The following CADM2 variants were observed in gnomAD, a reference collection of about 807,000 sequenced individuals.
The protein encoded by CADM2 is immunoglobulin superfamily member 4D.
CADM2 carries 12 observed loss-of-function variants against 49.8 expected under a neutral mutation model. That is an observed-to-expected ratio of 0.24 (90% CI 0.15 to 0.39). The LOEUF (loss-of-function observed/expected upper bound fraction) is 0.39. Ranked by LOEUF, CADM2 falls within the 10% of genes least tolerant of loss-of-function variation. CADM2 has a pLI of 1.00. For synonymous variants in CADM2, 214 were observed against 175.4 expected, an observed-to-expected ratio of 1.22 and a Z score of -1.74; for missense variants, 378 against 492.3, an observed-to-expected ratio of 0.77 and a Z score of 2.20.
intron 1 of CADM2, among the ~76,000 whole-genome samples, chr3:85,530,317 T>C (rs1475048981): frequency 1.5e-5 from 2 of 131,304 alleles, no homozygotes; most frequent in Non-Finnish European, 3.1e-5. Flanking sequence ...AGACTTCTTT[T>C]CTCCGTTTTT....
chr3:85,383,015 A>G (rs1318974918), intron 1 of CADM2, among the ~76,000 whole-genome samples: 1 of 152,124 alleles, frequency 6.6e-6, no homozygotes, highest in African/African-American at 2.4e-5. Context: ...ACTTAGGAGT[A>G]CACTACTGTA....
At position 85,982,254 on chromosome 3, in the gene CADM2, TG is replaced by T. The variant is rs1727567038; in HGVS notation, c.970+20608del. On this transcript the variant is annotated intron_variant, in intron 8 of 9. Transcript: ENST00000383699. ...TTTTTCAGGTTTCTTAACATGTTTT[TG>T]TAAACTTTACACCATGGATGCTTAA... Among the ~76,000 whole-genome samples the T allele has an allele frequency of 2.6e-5, 4 of 151,800 alleles. No individual in the cohort carries two copies. In the South Asian group the frequency reaches 8.3e-4, roughly 31 times the overall value.
intron 1 of CADM2, among the ~76,000 whole-genome samples, chr3:85,516,687 T>C (rs1445355444): frequency 1.3e-5 from 2 of 151,936 alleles, no homozygotes; most frequent in Non-Finnish European, 2.9e-5. Context: ...AACGTCACAA[T>C]CCAATTATAG....
intron 1 of CADM2, among the ~76,000 whole-genome samples, chr3:85,683,530 T>C (rs2066101004): frequency 6.6e-6 from 1 of 152,198 alleles, no homozygotes; most frequent in Non-Finnish European, 1.5e-5. Context: ...AAAATCTTGA[T>C]TTTCACAATT....
At chr3:85,189,528 T>C (rs547311525) in intron 1 of CADM2, among the ~76,000 whole-genome samples, 29 of 152,348 alleles carry the variant, frequency 1.9e-4, no homozygotes, top group African/African-American at 7.0e-4. Context: ...ATTTAGGTTC[T>C]GAAACAAATG....
At chr3:85,095,175 A>T (rs1351163410) in intron 1 of CADM2, among the ~76,000 whole-genome samples, 3 of 152,234 alleles carry the variant, frequency 2.0e-5, no homozygotes, top group Non-Finnish European at 4.4e-5. Context: ...GAAAGACTGG[A>T]GAGATGGAAT....
intron 1 of CADM2, among the ~76,000 whole-genome samples, chr3:85,349,071 C>G (rs1176677463): frequency 6.6e-6 from 1 of 151,946 alleles, no homozygotes; most frequent in East Asian, 1.9e-4. Flanking sequence ...CTGTATGGCC[C>G]CTGTTCTGAA....
chr3:85,950,092 CAAT>C (rs1723263783), intron 7 of CADM2, among the ~76,000 whole-genome samples: 1 of 150,920 alleles, frequency 6.6e-6, no homozygotes, highest in Non-Finnish European at 1.5e-5. Flanking sequence ...TTTTAATAGT[CAAT>C]AATTTTCAAA....
chr3:85,685,867 G>A (rs1253870494), intron 1 of CADM2, among the ~76,000 whole-genome samples: 6 of 151,420 alleles, frequency 4.0e-5, no homozygotes, highest in African/African-American at 7.3e-5. Flanking sequence ...CTCGTGATCC[G>A]CCCACCTCGG....
At chr3:85,362,193 A>G (rs890979528) in intron 1 of CADM2, among the ~76,000 whole-genome samples, 1 of 152,150 alleles carries the variant, frequency 6.6e-6, no homozygotes, top group Non-Finnish European at 1.5e-5. Flanking sequence ...ACCTTCTTAA[A>G]ACCAGATGTT....
intron 3 of CADM2, among the ~76,000 whole-genome samples, chr3:85,841,692 A>G (rs2074645868): frequency 6.6e-6 from 1 of 152,042 alleles, no homozygotes; most frequent in South Asian, 2.1e-4. Flanking sequence ...GGTTCAAAAA[A>G]CATATTTCTT....
At chr3:85,399,696 C>T (rs2034996736) in intron 1 of CADM2, among the ~76,000 whole-genome samples, 1 of 152,152 alleles carries the variant, frequency 6.6e-6, no homozygotes, top group Admixed American at 6.5e-5. Flanking sequence ...CTTCACATCT[C>T]TTGTAAGTTG....
intron 3 of CADM2, among the ~76,000 whole-genome samples, chr3:85,817,139 G>T (rs1014400476): frequency 1.3e-5 from 2 of 152,152 alleles, no homozygotes; most frequent in Non-Finnish European, 2.9e-5. Context: ...AAATGTAGGA[G>T]GTAGCGTTAT....
intron 1 of CADM2, among the ~76,000 whole-genome samples, chr3:85,428,112 G>T (rs1438784489): frequency 1.3e-5 from 2 of 151,066 alleles, no homozygotes; most frequent in East Asian, 3.9e-4. Context: ...TGTGATGCTG[G>T]TTATTTCACT....
At chr3:85,049,259 C>T (rs1277494560) in intron 1 of CADM2, among the ~76,000 whole-genome samples, 1 of 152,102 alleles carries the variant, frequency 6.6e-6, no homozygotes, top group Non-Finnish European at 1.5e-5. Flanking sequence ...AAAATATAAA[C>T]TAGTTTTTCA....
chr3:85,587,185 A>G (rs1424224917), intron 1 of CADM2, among the ~76,000 whole-genome samples: 1 of 152,058 alleles, frequency 6.6e-6, no homozygotes, highest in Non-Finnish European at 1.5e-5. Flanking sequence ...CAGGAACTGA[A>G]TGGGTCAGTA....
At chr3:85,793,067 A>G (rs1300537546) in intron 2 of CADM2, among the ~76,000 whole-genome samples, 1 of 152,092 alleles carries the variant, frequency 6.6e-6, no homozygotes, top group Non-Finnish European at 1.5e-5. Flanking sequence ...TCTGAACTTG[A>G]TAATTCCTAA....
intron 6 of CADM2, among the ~76,000 whole-genome samples, chr3:85,934,632 A>G (rs1368116456): frequency 6.6e-6 from 1 of 152,102 alleles, no homozygotes; most frequent in Non-Finnish European, 1.5e-5. Context: ...CATAATTTTA[A>G]AGTATGATAT....
At chr3:85,446,544 G>T (rs1046587389) in intron 1 of CADM2, among the ~76,000 whole-genome samples, 8 of 151,368 alleles carry the variant, frequency 5.3e-5, no homozygotes, top group Non-Finnish European at 1.0e-4. Flanking sequence ...TTGAAGATAA[G>T]GATAAAAGGA....
Sources: gnomAD v4.1 joint callset for allele counts (sites outside exome capture counted in the v4.1 genomes callset) on GRCh38, gnomAD v4.1.1 for gene constraint, MANE v1.5 for transcripts, NCBI Gene and HGNC (gene_info 2026-07-23, HGNC 2026-07-21) for gene names.